The following ABHD12 variants were observed in gnomAD, a reference collection of about 807,000 sequenced individuals.
The protein encoded by ABHD12 is abhydrolase domain containing 12, lysophospholipase.
A neutral mutation model predicts 58.3 loss-of-function variants in ABHD12; 43 were observed. The observed-to-expected ratio is 0.74, with a 90% CI of 0.58 to 0.95. The LOEUF (loss-of-function observed/expected upper bound fraction) is 0.95. ABHD12 is among the 40% of genes least tolerant of loss of function. ABHD12 has a pLI of 0.00. For missense variants in ABHD12, 539 were observed against 537.2 expected (o/e 1.00, Z -0.03); for synonymous variants, 219 against 211.2 (o/e 1.04, Z -0.32).
chr20:25,340,368 G>A (rs977660996), intron 1 of ABHD12, among the ~76,000 whole-genome samples: 42 of 152,338 alleles, frequency 2.8e-4, no homozygotes, highest in African/African-American at 1.0e-3. Flanking sequence ...TTAAGCCAGA[G>A]AGTTTAACAG....
intron 1 of ABHD12, chr20:25,368,281 T>G: frequency 6.5e-7 from 1 of 1,533,082 alleles, no homozygotes; most frequent in Non-Finnish European, 8.9e-7. Flanking sequence ...CTTATTAGAG[T>G]TGTTCACAGT....
At chr20:25,356,640 T>C (rs564473522) in intron 1 of ABHD12, among the ~76,000 whole-genome samples, 2 of 152,320 alleles carry the variant, frequency 1.3e-5, no homozygotes, top group African/African-American at 4.8e-5. Context: ...AAGAGAGGGC[T>C]GGGCCCTCAG....
chr20:25,311,880 G>C (rs2088855600), intron 6 of ABHD12, among the ~76,000 whole-genome samples: 1 of 151,956 alleles, frequency 6.6e-6, no homozygotes, highest in African/African-American at 2.4e-5. Context: ...ACTTTTTTTT[G>C]TATTTTTAGT....
chr20:25,325,850 C>T (rs2089165918), intron 2 of ABHD12, among the ~76,000 whole-genome samples: 1 of 151,810 alleles, frequency 6.6e-6, no homozygotes, highest in African/African-American at 2.4e-5. Context: ...GCAGGTGGAT[C>T]ACCTGAGGTC....
chr20:25,378,199 C>T (rs2089982204), intron 1 of ABHD12, among the ~76,000 whole-genome samples: 1 of 152,338 alleles, frequency 6.6e-6, no homozygotes, highest in South Asian at 2.1e-4. Flanking sequence ...GGTAGACTAA[C>T]CTTCTCCAGC....
chr20:25,308,186 T>C (rs1387245117), intron 8 of ABHD12, 141 bp from the exon 9 acceptor site: 4 of 771,472 alleles, frequency 5.2e-6, no homozygotes, highest in Non-Finnish European at 6.8e-6. Flanking sequence ...AGGCCTCAGA[T>C]AGCACCAGGG....
chr20:25,317,396 TCCCTGTGCCAAGGACA>T (rs2088982685), intron 4 of ABHD12, among the ~76,000 whole-genome samples: 1 of 152,122 alleles, frequency 6.6e-6, no homozygotes. Context: ...CCTCCCAGCT[TCCCTGTGCCAAGGACA>T]CCCTGTGTAG....
chr20:25,346,714 G>A (rs531323547), intron 1 of ABHD12, among the ~76,000 whole-genome samples: 128 of 151,934 alleles, frequency 8.4e-4, no homozygotes, highest in African/African-American at 2.9e-3. Flanking sequence ...GCGTGATCTC[G>A]GCTCACTGTA....
intron 2 of ABHD12, among the ~76,000 whole-genome samples, chr20:25,335,884 C>A (rs1471625706): frequency 6.7e-6 from 1 of 149,716 alleles, no homozygotes; most frequent in Non-Finnish European, 1.5e-5. Context: ...GTGCAGCACA[C>A]CAGCATGGCA....
intron 1 of ABHD12, among the ~76,000 whole-genome samples, chr20:25,352,252 A>G (rs906918036): frequency 2.0e-5 from 3 of 151,456 alleles, no homozygotes; most frequent in Admixed American, 2.0e-4. Flanking sequence ...TTGGCCTCCC[A>G]AAGTGTTAGG....
downstream of ABHD12, among the ~76,000 whole-genome samples, chr20:25,296,215 T>C (rs1415158729): frequency 6.6e-6 from 1 of 152,186 alleles, no homozygotes; most frequent in East Asian, 1.9e-4. Flanking sequence ...GGTCCCCTTT[T>C]CAACGAACAA....
At chr20:25,330,112 T>C (rs941817756) in intron 2 of ABHD12, among the ~76,000 whole-genome samples, 1 of 152,250 alleles carries the variant, frequency 6.6e-6, no homozygotes, top group African/African-American at 2.4e-5. Context: ...ACGCGCACCG[T>C]GCGCAAGCCA....
chr20:25,344,963 T>G (rs896862486), intron 1 of ABHD12, among the ~76,000 whole-genome samples: 1 of 152,196 alleles, frequency 6.6e-6, no homozygotes, highest in Non-Finnish European at 1.5e-5. Context: ...AAAGTAGACC[T>G]GATACCCTTC....
intron 1 of ABHD12, among the ~76,000 whole-genome samples, chr20:25,350,988 CA>C (rs2089592097): frequency 6.9e-6 from 1 of 145,244 alleles, no homozygotes; most frequent in Non-Finnish European, 1.5e-5. Flanking sequence ...CACACACACA[CA>C]CACACACACA....
intron 10 of ABHD12, among the ~76,000 whole-genome samples, chr20:25,304,405 A>C (rs945104719): frequency 1.3e-5 from 2 of 152,186 alleles, no homozygotes; most frequent in African/African-American, 4.8e-5. Context: ...GGCCCACCTG[A>C]GCTCAGGAAA....
chr20:25,384,669 T>C (rs1305298300), intron 1 of ABHD12, among the ~76,000 whole-genome samples: 1 of 152,058 alleles, frequency 6.6e-6, no homozygotes, highest in Non-Finnish European at 1.5e-5. Flanking sequence ...CATTTGACCC[T>C]GAGAGGCAGA....
intron 10 of ABHD12, 70 bp downstream of exon 10, chr20:25,306,763 A>C: frequency 9.3e-7 from 1 of 1,069,802 alleles, no homozygotes; most frequent in Admixed American, 1.9e-5. Context: ...ACTGTGACTA[A>C]AGAGGCTCAT....
At chr20:25,332,365 T>TA (rs1568735903) in intron 2 of ABHD12, among the ~76,000 whole-genome samples, 3 of 152,044 alleles carry the variant, frequency 2.0e-5, no homozygotes, top group African/African-American at 7.2e-5. Flanking sequence ...TGGGAGACTT[T>TA]AACAACCCAC....
intron 2 of ABHD12, among the ~76,000 whole-genome samples, chr20:25,329,178 CCAGG>C (rs1440440363): frequency 1.3e-5 from 2 of 152,218 alleles, no homozygotes; most frequent in Non-Finnish European, 2.9e-5. Flanking sequence ...TCCACCCTGC[CCAGG>C]CCCCTGCTTC....
Sources: allele counts gnomAD v4.1 joint callset (sites outside exome capture counted in the v4.1 genomes callset), GRCh38; gene constraint gnomAD v4.1.1; transcripts MANE v1.5; gene names NCBI Gene and HGNC (gene_info 2026-07-23, HGNC 2026-07-21).